DLG2: variants seen among roughly 807,000 people sequenced by gnomAD.
The protein encoded by DLG2 is disks large homolog 2.
Under a neutral mutation model 132.5 loss-of-function variants are expected in DLG2, and 45 were observed. The observed-to-expected ratio is 0.34, with a 90% confidence interval of 0.27 to 0.44. DLG2 has a LOEUF of 0.44. Among genes scored for constraint, DLG2 ranks in the 20% least tolerant of loss-of-function variants. DLG2 has a pLI of 1.00. For synonymous variants in DLG2, 424 were observed against 419.6 expected (o/e 1.01, Z -0.13); for missense variants, 1,045 against 1,196.9 (o/e 0.87, Z 1.87).
intron 6 of DLG2, among the ~76,000 whole-genome samples, chr11:84,590,632 T>C (rs1301211981): frequency 1.3e-5 from 2 of 152,068 alleles, no homozygotes; most frequent in Non-Finnish European, 2.9e-5. Context: ...AACACTATGA[T>C]TTAAGTCAAT....
At chr11:85,095,919 G>A (rs1430027739) in intron 6 of DLG2, among the ~76,000 whole-genome samples, 1 of 152,184 alleles carries the variant, frequency 6.6e-6, no homozygotes, top group East Asian at 1.9e-4. Flanking sequence ...CATGCTGACA[G>A]GTGAAGCCAG....
At chr11:83,771,688 G>A (rs1051506842) in intron 18 of DLG2, among the ~76,000 whole-genome samples, 1 of 152,130 alleles carries the variant, frequency 6.6e-6, no homozygotes, top group Non-Finnish European at 1.5e-5. Context: ...TTGTATATGT[G>A]ATCCATTGTT....
At chr11:85,509,918 A>G (rs2153153755) in intron 3 of DLG2, 1 of 152,136 alleles carries the variant, frequency 6.6e-6, no homozygotes, top group East Asian at 1.9e-4. Context: ...GCTGAGATCT[A>G]AAAGACAAAG....
chr11:84,420,502 A>G (rs531664941), intron 7 of DLG2, among the ~76,000 whole-genome samples: 4 of 152,254 alleles, frequency 2.6e-5, no homozygotes, highest in Non-Finnish European at 4.4e-5. Flanking sequence ...CAGCATCATC[A>G]AATGCCTAAG....
At chr11:85,035,431 A>C (rs773534897) in intron 6 of DLG2, among the ~76,000 whole-genome samples, 4 of 152,296 alleles carry the variant, frequency 2.6e-5, no homozygotes, top group Non-Finnish European at 4.4e-5. Context: ...ACTTACAATC[A>C]TGGCAGAAGG....
chr11:85,550,865 A>T (rs952156429), intron 3 of DLG2, among the ~76,000 whole-genome samples: 1 of 152,254 alleles, frequency 6.6e-6, no homozygotes, highest in Non-Finnish European at 1.5e-5. Flanking sequence ...CTCTGGCATG[A>T]TGAACATTAG....
intron 8 of DLG2, among the ~76,000 whole-genome samples, chr11:84,218,219 G>A (rs1349864210): frequency 1.4e-5 from 2 of 146,896 alleles, no homozygotes; most frequent in East Asian, 4.0e-4. Context: ...AGGAAGGAAA[G>A]AAAGGAAGGA....
At chr11:84,276,949 A>T (rs768743513) in intron 7 of DLG2, among the ~76,000 whole-genome samples, 1 of 152,206 alleles carries the variant, frequency 6.6e-6, no homozygotes. Context: ...CAATGAACAC[A>T]GAGAGAAAAG....
intron 3 of DLG2, among the ~76,000 whole-genome samples, chr11:85,444,331 C>A (rs2091914818): frequency 6.6e-6 from 1 of 152,086 alleles, no homozygotes; most frequent in African/African-American, 2.4e-5. Context: ...ACGACATTTG[C>A]AGCTATAGCT....
intron 16 of DLG2, among the ~76,000 whole-genome samples, chr11:83,871,354 A>G (rs1167678354): frequency 6.6e-6 from 1 of 152,252 alleles, no homozygotes; most frequent in Admixed American, 6.5e-5. Context: ...TGTTGTCTCA[A>G]TGGATCAAAT....
At chr11:84,410,261 T>C (rs184468692) in intron 7 of DLG2, among the ~76,000 whole-genome samples, 106 of 152,296 alleles carry the variant, frequency 7.0e-4, no homozygotes, top group Middle Eastern at 3.4e-3. Context: ...CCAAGTCACA[T>C]ACCTGGTTAG....
chr11:83,637,925 G>T (rs2065279877), intron 18 of DLG2, among the ~76,000 whole-genome samples: 1 of 152,168 alleles, frequency 6.6e-6, no homozygotes. Flanking sequence ...GACATTGACA[G>T]GAAAATTAAG....
chr11:84,775,288 G>C (rs2070245978), intron 6 of DLG2, among the ~76,000 whole-genome samples: 1 of 152,072 alleles, frequency 6.6e-6, no homozygotes. Context: ...ATGTTGATGA[G>C]CTTGTGGAGA....
chr11:84,669,061 A>T (rs1207242682), intron 6 of DLG2, among the ~76,000 whole-genome samples: 1 of 152,244 alleles, frequency 6.6e-6, no homozygotes, highest in East Asian at 1.9e-4. Flanking sequence ...ATAACACAGG[A>T]TATGGGACAG....
At position 83,610,990 on chromosome 11, in the gene DLG2, C is replaced by T. The variant is rs375863794; in HGVS notation, c.1940+22221G>A. On this transcript the variant is annotated intron_variant, in intron 19 of 27. Coordinates refer to ENST00000376104, the MANE Select transcript of DLG2 (RefSeq NM_001142699.3). ...TCTTTTAAATGGATCACTATTCTGG[C>T]TCTCAAGTACAGGTTGCTTAAAAAT... Among the ~76,000 whole-genome samples, 4 of 152,254 alleles carry T rather than the reference C, an allele frequency of 2.6e-5. No individual in the cohort carries two copies. In the East Asian group the frequency reaches 5.8e-4, roughly 22 times the overall value.
At chr11:84,409,199 C>T (rs2098882743) in intron 7 of DLG2, among the ~76,000 whole-genome samples, 1 of 152,154 alleles carries the variant, frequency 6.6e-6, no homozygotes, top group African/African-American at 2.4e-5. Context: ...GCTCTGCAAA[C>T]CAGAGTACTA....
At chr11:85,263,300 G>A (rs1030949848) in intron 4 of DLG2, among the ~76,000 whole-genome samples, 3 of 152,182 alleles carry the variant, frequency 2.0e-5, no homozygotes, top group African/African-American at 7.2e-5. Flanking sequence ...GGCTTAAAAG[G>A]TCCAGAGCAG....
intron 17 of DLG2, chr11:83,790,661 A>G (rs1276545263): frequency 9.8e-7 from 1 of 1,015,618 alleles, no homozygotes; most frequent in Non-Finnish European, 1.6e-6. Context: ...GTGGAGGGAC[A>G]TGATGCGGAC....
intron 6 of DLG2, among the ~76,000 whole-genome samples, chr11:85,017,532 T>A (rs544685098): frequency 1.3e-5 from 2 of 152,202 alleles, no homozygotes; most frequent in Non-Finnish European, 2.9e-5. Flanking sequence ...TGTAATCCAA[T>A]ATTCTTAGCA....
Sources: allele counts gnomAD v4.1 joint callset (sites outside exome capture counted in the v4.1 genomes callset), GRCh38; gene constraint gnomAD v4.1.1; transcripts MANE v1.5; gene names NCBI Gene and HGNC (gene_info 2026-07-23, HGNC 2026-07-21).